Variants in ABAT observed in about 807,000 individuals in gnomAD.
ABAT encodes the protein 4-aminobutyrate aminotransferase, mitochondrial.
Under a neutral mutation model 64.6 loss-of-function variants are expected in ABAT, and 45 were observed. The observed-to-expected ratio is 0.70, with a 90% CI of 0.55 to 0.89. The LOEUF (loss-of-function observed/expected upper bound fraction) is 0.89. Among genes scored for constraint, ABAT ranks in the 40% least tolerant of loss-of-function variants. The probability of loss-of-function intolerance (pLI) is 0.00; values close to 1 mark genes in which losing one functional copy is unlikely to be tolerated. For synonymous variants in ABAT, 297 were observed against 250.5 expected, an observed-to-expected ratio of 1.19 and a Z score of -1.75; for missense variants, 633 against 658.4, an observed-to-expected ratio of 0.96 and a Z score of 0.42.
intron 1 of ABAT, among the ~76,000 whole-genome samples, chr16:8,712,464 A>C (rs1262311352): frequency 6.6e-6 from 1 of 152,118 alleles, no homozygotes; most frequent in Non-Finnish European, 1.5e-5. Context: ...TGTGCATTGG[A>C]AAGTTTCATA....
chr16:8,713,797 G>A (rs2058134572), intron 1 of ABAT: 2 of 453,560 alleles, frequency 4.4e-6, no homozygotes, highest in Non-Finnish European at 8.9e-6. Flanking sequence ...GGCCTCTGCA[G>A]AATGGCATAC....
chr16:8,759,837 C>G (rs1567307907), intron 6 of ABAT, among the ~76,000 whole-genome samples: 2 of 152,176 alleles, frequency 1.3e-5, no homozygotes, highest in Non-Finnish European at 2.9e-5. Context: ...AGCCACCACA[C>G]CCAGTTGTAT....
At chr16:8,716,073 C>A (rs1035851741) in intron 1 of ABAT, among the ~76,000 whole-genome samples, 7 of 152,190 alleles carry the variant, frequency 4.6e-5, no homozygotes, top group African/African-American at 1.7e-4. Flanking sequence ...CTCTGCTTAG[C>A]TTTGCGCGTG....
chr16:8,712,726 C>T (rs1228106255), intron 1 of ABAT: 2 of 152,196 alleles, frequency 1.3e-5, no homozygotes, highest in Non-Finnish European at 2.9e-5. Flanking sequence ...CTGATTACTG[C>T]ACCGAGGATG....
At chr16:8,722,465 G>T (rs914081825) in intron 1 of ABAT, among the ~76,000 whole-genome samples, 5 of 152,138 alleles carry the variant, frequency 3.3e-5, no homozygotes, top group African/African-American at 1.2e-4. Context: ...AATTGGAAAG[G>T]ATCCTAGGAA....
rs1329059105 is a variant in ABAT at position 8,735,685 on chromosome 16, C to G, written c.-41-14C>G. On this transcript the variant is annotated splice_polypyrimidine_tract_variant and intron_variant, in intron 1 of 15. Transcript: ENST00000268251. ...TCTTCATGGGCCTAAGTCTGCATTT[C>G]TGGTTTCTTTCAGGGTGGCAGCACG... The G allele has an allele frequency of 3.9e-6, 6 of 1,554,048 alleles. No individual in the cohort carries two copies. The Admixed American group carries it at 5.8e-5, about 15-fold the overall frequency.
chr16:8,732,185 A>C (rs1037774819), intron 1 of ABAT, among the ~76,000 whole-genome samples: 22 of 94,530 alleles, frequency 2.3e-4, no homozygotes, highest in Admixed American at 1.3e-4. Flanking sequence ...TGACTACTTT[A>C]GGTTTTTTTT....
At chr16:8,722,954 T>C (rs1476110983) in intron 1 of ABAT, 4 of 1,046,028 alleles carry the variant, frequency 3.8e-6, no homozygotes, top group Non-Finnish European at 5.2e-6. Context: ...AACAATGTGA[T>C]CCAGCCAGGC....
intron 1 of ABAT, among the ~76,000 whole-genome samples, chr16:8,721,674 G>A (rs1224816418): frequency 1.3e-5 from 2 of 152,184 alleles, no homozygotes; most frequent in Non-Finnish European, 2.9e-5. Context: ...ATGGGAGCTG[G>A]TACTTTTACT....
In ABAT at chr16:8,764,621, A is replaced by AG; in HGVS notation, c.448-116dup. The AG allele has an allele frequency of 1.0e-6, 1 of 996,680 alleles. No individual in the cohort carries two copies. Among genetic ancestry groups the AG allele is most frequent in the East Asian group, 2.5e-5 (1 of 40,234 alleles). 61.7% of individuals were successfully genotyped at this position (996,680 alleles called of 1,614,324 possible). A position where few individuals can be genotyped will look rare whatever the true frequency, so the allele number is the denominator to read the frequency against. On this transcript the variant is annotated intron_variant, in intron 7 of 15. Transcript: ENST00000268251. The surrounding 1 kb of genome is among the most constrained non-coding windows in gnomAD (Gnocchi z 4.2). ...CTCCCAGTCCGACACCTTCCAGGAC[A>AG]GCCCTGGTTCTGTCTGTCCCCGGTA...
At position 8,679,214 on chromosome 16, in the gene ABAT, A is replaced by T. The variant is rs138993277; in HGVS notation, c.-42+4503A>T. On this transcript the variant is annotated intron_variant, in intron 1 of 15. Coordinates refer to ENST00000268251, the MANE Select transcript of ABAT (RefSeq NM_020686.6). ...TCATAAGATAAAAATTAAAATGAAT[A>T]GAGCACAACCCACAGAGGTTGAGAG... is the stretch of plus-strand genomic sequence containing the variant. Among the ~76,000 whole-genome samples, 1,135 of 152,308 alleles carry T rather than the reference A, an allele frequency of 7.5e-3. 18 individuals carry two copies. The highest frequency in any genetic ancestry group is 0.024 in the African/African-American group (994 of 41,554).
At chr16:8,772,976 G>A (rs540973902) in intron 12 of ABAT, 59 bp downstream of exon 12, 239 of 1,608,422 alleles carry the variant, frequency 1.5e-4, no homozygotes, top group Non-Finnish European at 1.9e-4. Context: ...TGAGTTCCCC[G>A]AGTAACGGGC....
intron 1 of ABAT, among the ~76,000 whole-genome samples, chr16:8,680,216 C>T (rs80221479): frequency 0.058 from 8,888 of 152,162 alleles, 284 homozygotes; most frequent in Middle Eastern, 0.12. Context: ...TTGGGTCCAT[C>T]ACTGTTTGCT....
chr16:8,757,660 G>T (rs1317908479), intron 5 of ABAT, 97 bp from the exon 6 acceptor site: 2 of 1,316,164 alleles, frequency 1.5e-6, no homozygotes, highest in Non-Finnish European at 2.2e-6. Flanking sequence ...AAGAGAGTTG[G>T]GGGGTTGGAA....
intron 1 of ABAT, among the ~76,000 whole-genome samples, 197 bp downstream of exon 1, chr16:8,674,908 C>T (rs2057159159): frequency 6.6e-6 from 1 of 152,152 alleles, no homozygotes; most frequent in Non-Finnish European, 1.5e-5. Flanking sequence ...CTTCCTTTCT[C>T]CTTCAGAAAT....
intron 13 of ABAT, 120 bp downstream of exon 13, chr16:8,775,177 C>T: frequency 2.2e-6 from 3 of 1,340,296 alleles, no homozygotes; most frequent in Non-Finnish European, 3.1e-6. Context: ...CGCAGGTTTT[C>T]TAAGTCCCAG....
At chr16:8,742,128 T>G (rs2059179618) in intron 2 of ABAT, among the ~76,000 whole-genome samples, 1 of 152,176 alleles carries the variant, frequency 6.6e-6, no homozygotes, top group African/African-American at 2.4e-5. Context: ...TTGTGCCCCA[T>G]AGCGCCCAGT....
At chr16:8,762,379 C>G (rs11863437) in intron 6 of ABAT, among the ~76,000 whole-genome samples, 17,210 of 152,196 alleles carry the variant, frequency 0.11, 1,454 homozygotes, top group African/African-American at 0.23. Flanking sequence ...CCTCTGTATG[C>G]CATATCATCT....
At chr16:8,724,146 C>G (rs184948695) in intron 1 of ABAT, among the ~76,000 whole-genome samples, 195 of 151,920 alleles carry the variant, frequency 1.3e-3, no homozygotes, top group African/African-American at 4.5e-3. Context: ...CAGCCCCAAG[C>G]TTTATATTCT....
Sources: allele counts gnomAD v4.1 joint callset (sites outside exome capture counted in the v4.1 genomes callset), GRCh38; gene constraint gnomAD v4.1.1; non-coding constraint Gnocchi (gnomAD v3.1); transcripts MANE v1.5; gene names NCBI Gene and HGNC (gene_info 2026-07-23, HGNC 2026-07-21).